Variants in LYPLAL1 observed in about 807,000 individuals in gnomAD.
LYPLAL1 encodes lysophospholipase like 1.
LYPLAL1 carries 23 observed loss-of-function variants against 19.7 expected under a neutral mutation model. The ratio of observed to expected loss-of-function variants is 1.17; its 90% CI spans 0.84 to 1.65. The LOEUF is 1.65. Among genes scored for constraint, LYPLAL1 ranks in the 40% most tolerant of loss-of-function variants. LYPLAL1 has a pLI of 0.00. For missense variants in LYPLAL1, 355 were observed against 279.4 expected, an observed-to-expected ratio of 1.27 and a Z score of -1.93; for synonymous variants, 119 against 96.3, an observed-to-expected ratio of 1.24 and a Z score of -1.38.
the LYPLAL1 span, among the ~76,000 whole-genome samples, chr1:219,405,687 A>C: frequency 1.3e-5 from 2 of 152,152 alleles, no homozygotes; most frequent in African/African-American, 4.8e-5. Flanking sequence ...CTTTTTTCTA[A>C]TAGCAGGCTT....
At chr1:219,295,193 C>T in the LYPLAL1 span, among the ~76,000 whole-genome samples, 2 of 152,186 alleles carry the variant, frequency 1.3e-5, no homozygotes, top group African/African-American at 4.8e-5. Context: ...ATCACTGCTA[C>T]TAAAAACCTA....
At chr1:219,378,195 AC>A in the LYPLAL1 span, among the ~76,000 whole-genome samples, 1 of 152,326 alleles carries the variant, frequency 6.6e-6, no homozygotes, top group South Asian at 2.1e-4. Flanking sequence ...GCTCATAAAG[AC>A]ATACCTGAGA....
the LYPLAL1 span, among the ~76,000 whole-genome samples, chr1:219,391,096 G>A: frequency 6.6e-6 from 1 of 152,158 alleles, no homozygotes; most frequent in African/African-American, 2.4e-5. Flanking sequence ...TACCTGCAGT[G>A]CCTGGTCAAG....
the LYPLAL1 span, among the ~76,000 whole-genome samples, chr1:219,238,225 C>T: frequency 6.6e-6 from 1 of 150,468 alleles, no homozygotes; most frequent in Non-Finnish European, 1.5e-5. Context: ...GCAACCTCCA[C>T]CTCCCGGGTT....
chr1:219,206,844 T>C (rs1658610674), intron 3 of LYPLAL1, among the ~76,000 whole-genome samples: 1 of 151,984 alleles, frequency 6.6e-6, no homozygotes, highest in Admixed American at 6.5e-5. Flanking sequence ...TTGATAGTTA[T>C]GCTTTTAAAA....
chr1:219,178,276 A>G (rs1231450475), intron 1 of LYPLAL1, among the ~76,000 whole-genome samples: 1 of 152,182 alleles, frequency 6.6e-6, no homozygotes, highest in Non-Finnish European at 1.5e-5. Flanking sequence ...TTTGCCTTTC[A>G]CATTTATTTG....
At chr1:219,227,856 A>G in the LYPLAL1 span, among the ~76,000 whole-genome samples, 3 of 152,226 alleles carry the variant, frequency 2.0e-5, no homozygotes, top group Admixed American at 6.5e-5. Flanking sequence ...TTGCAACAGC[A>G]TGTAATAGAA....
chr1:219,329,388 T>C, the LYPLAL1 span, among the ~76,000 whole-genome samples: 1 of 152,228 alleles, frequency 6.6e-6, no homozygotes, highest in South Asian at 2.1e-4. Flanking sequence ...CATCCTGACC[T>C]AATATTTGTC....
the LYPLAL1 span, among the ~76,000 whole-genome samples, chr1:219,339,811 T>A: frequency 1.3e-5 from 2 of 151,890 alleles, no homozygotes; most frequent in Non-Finnish European, 2.9e-5. Context: ...GGTTGAAAAA[T>A]TAGGGAGAAA....
the LYPLAL1 span, among the ~76,000 whole-genome samples, chr1:219,408,012 C>T: frequency 3.3e-5 from 5 of 152,220 alleles, no homozygotes; most frequent in East Asian, 1.9e-4. Flanking sequence ...CCTCCCAATG[C>T]GAACACATTG....
chr1:219,332,614 G>A, the LYPLAL1 span, among the ~76,000 whole-genome samples: 1 of 151,974 alleles, frequency 6.6e-6, no homozygotes. Context: ...GCCATTTTGA[G>A]TCATTGTTTC....
At chr1:219,386,512 T>G in the LYPLAL1 span, among the ~76,000 whole-genome samples, 2 of 152,172 alleles carry the variant, frequency 1.3e-5, no homozygotes, top group Non-Finnish European at 2.9e-5. Flanking sequence ...TGGTTGTTGC[T>G]TTTTAGTCTC....
the LYPLAL1 span, among the ~76,000 whole-genome samples, chr1:219,295,229 T>C: frequency 6.6e-6 from 1 of 152,172 alleles, no homozygotes; most frequent in South Asian, 2.1e-4. Context: ...GTTGTCATTT[T>C]AAAAATCTAA....
chr1:219,253,959 C>G, the LYPLAL1 span, among the ~76,000 whole-genome samples: 1 of 151,986 alleles, frequency 6.6e-6, no homozygotes, highest in African/African-American at 2.4e-5. Context: ...TCTGGGTGCT[C>G]CTATGTTGGG....
downstream of LYPLAL1, among the ~76,000 whole-genome samples, chr1:219,214,199 G>A (rs549143557): frequency 5.3e-5 from 8 of 152,040 alleles, no homozygotes; most frequent in South Asian, 2.1e-4. Flanking sequence ...GGTATATTGC[G>A]TTAGCTTTGC....
chr1:219,413,541 T>C, the LYPLAL1 span, among the ~76,000 whole-genome samples: 1 of 152,190 alleles, frequency 6.6e-6, no homozygotes, highest in East Asian at 1.9e-4. Flanking sequence ...GAATTACCTC[T>C]GAGGCCTGAG....
At chr1:219,307,263 C>CAT in the LYPLAL1 span, among the ~76,000 whole-genome samples, 1 of 152,024 alleles carries the variant, frequency 6.6e-6, no homozygotes, top group African/African-American at 2.4e-5. Flanking sequence ...TTCACATATA[C>CAT]CCCTTTTAGG....
chr1:219,417,211 G>T, the LYPLAL1 span, among the ~76,000 whole-genome samples: 2 of 151,248 alleles, frequency 1.3e-5, no homozygotes, highest in African/African-American at 4.9e-5. Context: ...GGAATTCATT[G>T]GTATAGGAAA....
chr1:219,283,868 A>G, the LYPLAL1 span, among the ~76,000 whole-genome samples: 1 of 152,128 alleles, frequency 6.6e-6, no homozygotes, highest in Non-Finnish European at 1.5e-5. Flanking sequence ...GCAGTGGGTA[A>G]TGTAGATGTT....
Sources: gnomAD v4.1 joint callset for allele counts (sites outside exome capture counted in the v4.1 genomes callset) on GRCh38, gnomAD v4.1.1 for gene constraint, MANE v1.5 for transcripts, NCBI Gene and HGNC (gene_info 2026-07-23, HGNC 2026-07-21) for gene names.